CHMP4B: variants seen among roughly 807,000 people sequenced by gnomAD.
CHMP4B encodes SNF7 homolog associated with Alix 1.
A neutral mutation model predicts 25.1 loss-of-function variants in CHMP4B; 1 was observed. The observed-to-expected ratio is 0.04, with a 90% CI of 0.01 to 0.19. CHMP4B has a LOEUF of 0.19. Ranked by LOEUF, CHMP4B falls within the 10% of genes least tolerant of loss-of-function variation. The pLI is 1.00. For synonymous variants in CHMP4B, 101 were observed against 115.6 expected (o/e 0.87, Z 0.81); for missense variants, 151 against 289.7 (o/e 0.52, Z 3.48).
intron 1 of CHMP4B, among the ~76,000 whole-genome samples, chr20:33,817,828 T>C (rs1218589536): frequency 6.6e-6 from 1 of 152,214 alleles, no homozygotes; most frequent in Non-Finnish European, 1.5e-5. Flanking sequence ...AATCTGAGCA[T>C]AGCAATGGGA....
At chr20:33,851,949 G>A in intron 3 of CHMP4B, 128 bp from the exon 4 acceptor site, 1 of 1,246,750 alleles carries the variant, frequency 8.0e-7, no homozygotes, top group Middle Eastern at 2.7e-4. Context: ...TCTGGAACCT[G>A]GAATTCACCT....
intron 2 of CHMP4B, among the ~76,000 whole-genome samples, chr20:33,849,914 T>C (rs1211726313): frequency 6.6e-6 from 1 of 152,226 alleles, no homozygotes; most frequent in Non-Finnish European, 1.5e-5. Context: ...TAGCTCAGAC[T>C]ACAGGTGTGT....
intron 1 of CHMP4B, 77 bp from the exon 2 acceptor site, chr20:33,848,385 AGAGTT>A: frequency 1.4e-6 from 2 of 1,382,888 alleles, no homozygotes; most frequent in African/African-American, 2.9e-5. Flanking sequence ...TGCTTCCAGT[AGAGTT>A]GGGGAAAAGA....
intron 1 of CHMP4B, among the ~76,000 whole-genome samples, chr20:33,816,817 A>G: frequency 6.6e-6 from 1 of 152,136 alleles, no homozygotes; most frequent in Non-Finnish European, 1.5e-5. Flanking sequence ...AACACCCTAT[A>G]CTGGTACATT....
At chr20:33,815,359 A>G (rs1481422234) in intron 1 of CHMP4B, among the ~76,000 whole-genome samples, 1 of 152,218 alleles carries the variant, frequency 6.6e-6, no homozygotes, top group Non-Finnish European at 1.5e-5. Flanking sequence ...ACTGGAAGAG[A>G]AATAATACAT....
chr20:33,842,630 A>T (rs943245117), intron 1 of CHMP4B, among the ~76,000 whole-genome samples: 2 of 152,064 alleles, frequency 1.3e-5, no homozygotes, highest in African/African-American at 4.8e-5. Context: ...CTGGTGTTGC[A>T]TTTGTGTGTA....
intron 1 of CHMP4B, among the ~76,000 whole-genome samples, chr20:33,814,832 G>T (rs987557519): frequency 2.6e-5 from 4 of 151,156 alleles, no homozygotes; most frequent in African/African-American, 9.8e-5. Context: ...ATTTTTTTTT[G>T]TAGGGACAAG....
chr20:33,853,131 T>C (rs926365456), intron 4 of CHMP4B, among the ~76,000 whole-genome samples: 23 of 152,094 alleles, frequency 1.5e-4, no homozygotes, highest in African/African-American at 5.6e-4. Context: ...GTCAAGCCAC[T>C]TGAGGTGGAG....
chr20:33,826,988 G>A (rs1187879449), intron 1 of CHMP4B, among the ~76,000 whole-genome samples: 1 of 152,142 alleles, frequency 6.6e-6, no homozygotes, highest in Non-Finnish European at 1.5e-5. Flanking sequence ...TTTGGTTGAT[G>A]ACAGTGACCT....
chr20:33,817,670 C>T (rs1978819479), intron 1 of CHMP4B, among the ~76,000 whole-genome samples: 1 of 152,126 alleles, frequency 6.6e-6, no homozygotes, highest in South Asian at 2.1e-4. Flanking sequence ...GCTCTTGGGG[C>T]CTTGAGGAAT....
At chr20:33,819,625 A>C (rs1348195514) in intron 1 of CHMP4B, among the ~76,000 whole-genome samples, 1 of 152,148 alleles carries the variant, frequency 6.6e-6, no homozygotes, top group Non-Finnish European at 1.5e-5. Context: ...AAAGCTATAC[A>C]TCCCTCTGGT....
intron 1 of CHMP4B, among the ~76,000 whole-genome samples, chr20:33,842,237 A>T (rs1979562717): frequency 6.6e-6 from 1 of 152,038 alleles, no homozygotes; most frequent in African/African-American, 2.4e-5. Flanking sequence ...ACTGGTGGTT[A>T]ACTGTGTTGT....
intron 1 of CHMP4B, among the ~76,000 whole-genome samples, chr20:33,848,178 G>A (rs1025378685): frequency 6.6e-6 from 1 of 152,198 alleles, no homozygotes; most frequent in African/African-American, 2.4e-5. Flanking sequence ...TGACCCCAGA[G>A]CATCTTCTTC....
In CHMP4B at chr20:33,854,016, T is replaced by G. The variant is rs1285851742; in HGVS notation, c.*456T>G. 4.2e-6 allele frequency: 1 copy of G among 239,356 alleles called. No homozygotes were observed. Among genetic ancestry groups the G allele is most frequent in the African/African-American group, 2.3e-5 (1 of 44,242 alleles). 14.8% of individuals were successfully genotyped at this position (239,356 alleles called of 1,614,324 possible). ...TCATTTTTCAAAAGCCATAGGCTTT[T>G]CCTTGCCCTTAGCTGTAATAATGCA... On this transcript the variant is annotated 3_prime_UTR_variant, in exon 5 of 5. Transcript: ENST00000217402.
At position 33,811,669 on chromosome 20, in the gene CHMP4B, C is replaced by T; in HGVS notation, c.190+11C>T. On this transcript the variant is annotated intron_variant, in intron 1 of 4. Coordinates refer to ENST00000217402, the MANE Select transcript of CHMP4B (RefSeq NM_176812.5). ...CCAAAAACAAGCGCGGTGAGGCTGC[C>T]CGGCCCCTTCAGACTTGCCACGGGC... 1 of 1,611,792 alleles carries T rather than the reference C, an allele frequency of 6.2e-7. No homozygotes were observed. Among genetic ancestry groups the T allele is most frequent in the Non-Finnish European group, 8.5e-7 (1 of 1,179,292 alleles).
At chr20:33,844,144 C>G (rs190164640) in intron 1 of CHMP4B, among the ~76,000 whole-genome samples, 73 of 152,346 alleles carry the variant, frequency 4.8e-4, no homozygotes, top group Middle Eastern at 6.8e-3. Context: ...GCACACCTTA[C>G]AGCCAGGTGC....
chr20:33,854,125 A>C lies in CHMP4B; in HGVS notation c.*565A>C. 6.4e-6 allele frequency: 1 copy of C among 156,480 alleles called. No homozygotes were observed. Among genetic ancestry groups the C allele is most frequent in the Non-Finnish European group, 1.4e-5 (1 of 70,642 alleles). 9.7% of individuals were successfully genotyped at this position (156,480 alleles called of 1,614,324 possible). On this transcript the variant is annotated 3_prime_UTR_variant, in exon 5 of 5. Transcript: ENST00000217402. ...TGTTTACCACTCTGGCCCACTCCTC[A>C]CCCCCTTGCTCCCCTGGTCTTCTGG...
chr20:33,843,206 G>T (rs1979592209), intron 1 of CHMP4B, among the ~76,000 whole-genome samples: 1 of 152,178 alleles, frequency 6.6e-6, no homozygotes, highest in Non-Finnish European at 1.5e-5. Context: ...GGAGACCAAT[G>T]TTTATTTCAA....
At chr20:33,847,163 TG>T (rs1568611372) in intron 1 of CHMP4B, among the ~76,000 whole-genome samples, 2 of 152,050 alleles carry the variant, frequency 1.3e-5, no homozygotes, top group African/African-American at 4.8e-5. Flanking sequence ...GAATTACTTA[TG>T]GTGAATAAAG....
Sources: allele counts gnomAD v4.1 joint callset (sites outside exome capture counted in the v4.1 genomes callset), GRCh38; gene constraint gnomAD v4.1.1; transcripts MANE v1.5; gene names NCBI Gene and HGNC (gene_info 2026-07-23, HGNC 2026-07-21).